ADAMTS19: variants seen among roughly 807,000 people sequenced by gnomAD.
The protein encoded by ADAMTS19 is ADAM metallopeptidase with thrombospondin type 1 motif 19.
A neutral mutation model predicts 153.3 loss-of-function variants in ADAMTS19; 93 were observed. That is an observed-to-expected ratio of 0.61 (90% CI 0.51 to 0.72). The LOEUF is 0.72. ADAMTS19 is among the 30% of genes least tolerant of loss of function. ADAMTS19 has a pLI of 0.00. For synonymous variants in ADAMTS19, 600 were observed against 556.6 expected (o/e 1.08, Z -1.10); for missense variants, 1,482 against 1,552.1 (o/e 0.95, Z 0.76).
At chr5:129,688,484 C>A (rs27872) in intron 18 of ADAMTS19, among the ~76,000 whole-genome samples, 80,844 of 151,844 alleles carry the variant, frequency 0.53, 23,844 homozygotes, top group Non-Finnish European at 0.66. Context: ...TATTTTACAT[C>A]AGCATCTCAA....
chr5:129,694,848 C>G lies in ADAMTS19; in HGVS notation c.2947C>G (p.Gln983Glu), dbSNP rs1440278764. 6.3e-7 allele frequency: 1 copy of G among 1,586,198 alleles called. No individual in the cohort carries two copies. Among genetic ancestry groups the G allele is most frequent in the East Asian group, 2.3e-5 (1 of 43,020 alleles). The change falls in exon 19 of 23, where the codon CAA becomes GAA. Residue 983 changes from glutamine to glutamate, a missense_variant. By Grantham distance (29) the Gln-to-Glu change is conservative. Transcript: ENST00000274487. ...TCGAAAGTGCAATGAGCAACCATGT[C>G]AAACAAGGTAACTCTATTCCAAGGG... is the stretch of plus-strand genomic sequence containing the variant. ...QIRKCNEQPC[Q>E]TRWMMTEWTP...
chr5:129,613,487 C>T (rs978044115), intron 8 of ADAMTS19, among the ~76,000 whole-genome samples: 5 of 151,886 alleles, frequency 3.3e-5, no homozygotes, highest in South Asian at 4.2e-4. Flanking sequence ...TTGAAACCAA[C>T]GAGAACAAAG....
At chr5:129,519,934 C>T (rs1301202417) in intron 3 of ADAMTS19, among the ~76,000 whole-genome samples, 1 of 152,072 alleles carries the variant, frequency 6.6e-6, no homozygotes, top group Non-Finnish European at 1.5e-5. Flanking sequence ...CGCACAACAA[C>T]CTGAATATGG....
At chr5:129,690,235 T>C (rs954079345) in intron 18 of ADAMTS19, among the ~76,000 whole-genome samples, 6 of 152,232 alleles carry the variant, frequency 3.9e-5, no homozygotes, top group African/African-American at 1.4e-4. Context: ...AAGGAAGATA[T>C]AGAAAGCCTT....
At chr5:129,691,761 GA>G (rs1755348957) in intron 18 of ADAMTS19, among the ~76,000 whole-genome samples, 1 of 152,032 alleles carries the variant, frequency 6.6e-6, no homozygotes, top group African/African-American at 2.4e-5. Flanking sequence ...TACTTTCTTA[GA>G]AAACTACTAA....
intron 18 of ADAMTS19, among the ~76,000 whole-genome samples, chr5:129,692,374 T>C (rs1413573033): frequency 6.6e-6 from 1 of 152,204 alleles, no homozygotes; most frequent in African/African-American, 2.4e-5. Context: ...TTTCTGCTTC[T>C]CTAGCAGTTT....
At chr5:129,728,918 TAGAC>T (rs1757321333) in intron 21 of ADAMTS19, among the ~76,000 whole-genome samples, 1 of 152,142 alleles carries the variant, frequency 6.6e-6, no homozygotes, top group Non-Finnish European at 1.5e-5. Flanking sequence ...AAGACTATGT[TAGAC>T]AGGACTTCTA....
At chr5:129,465,800 G>A (rs1749836236) in intron 2 of ADAMTS19, among the ~76,000 whole-genome samples, 1 of 152,072 alleles carries the variant, frequency 6.6e-6, no homozygotes, top group Non-Finnish European at 1.5e-5. Context: ...CTTCATTCAA[G>A]CAAAATCTTA....
In ADAMTS19 at chr5:129,665,486, T is replaced by G; in HGVS notation, c.2426-13T>G. 6.4e-7 allele frequency: 1 copy of G among 1,574,286 alleles called. No homozygotes were observed. The highest frequency in any genetic ancestry group is 8.7e-7 in the Non-Finnish European group (1 of 1,155,106). ...AACTCAAGATTTATTTCATGTTTTATTGACTCTTACAGGTTATGTAGAAGT... is the reference window on the plus strand; with the variant it reads ...AACTCAAGATTTATTTCATGTTTTAGTGACTCTTACAGGTTATGTAGAAGT... On this transcript the variant is annotated splice_polypyrimidine_tract_variant and intron_variant, in intron 15 of 22. Coordinates refer to ENST00000274487, the MANE Select transcript of ADAMTS19 (RefSeq NM_133638.6).
intron 18 of ADAMTS19, among the ~76,000 whole-genome samples, chr5:129,688,789 C>A (rs527535338): frequency 2.0e-5 from 3 of 152,220 alleles, no homozygotes; most frequent in African/African-American, 7.2e-5. Context: ...AAAACTAGTT[C>A]TTTTATTTTC....
At chr5:129,602,889 A>G (rs1370460699) in intron 8 of ADAMTS19, among the ~76,000 whole-genome samples, 1 of 151,072 alleles carries the variant, frequency 6.6e-6, no homozygotes, top group Admixed American at 6.6e-5. Context: ...AGCCATCTAG[A>G]ATTTACTTTA....
intron 19 of ADAMTS19, among the ~76,000 whole-genome samples, chr5:129,696,862 T>G (rs1755581284): frequency 6.6e-6 from 1 of 152,112 alleles, no homozygotes; most frequent in African/African-American, 2.4e-5. Flanking sequence ...AGGTTCATAT[T>G]ATGTAGATGA....
At chr5:129,528,820 C>A in intron 6 of ADAMTS19, 143 bp downstream of exon 6, 1 of 596,730 alleles carries the variant, frequency 1.7e-6, no homozygotes, top group Non-Finnish European at 2.7e-6. Context: ...AGTCATCTCC[C>A]TCAAATCATA....
intron 6 of ADAMTS19, among the ~76,000 whole-genome samples, chr5:129,532,964 G>A (rs1179595898): frequency 2.6e-5 from 4 of 152,150 alleles, no homozygotes; most frequent in Non-Finnish European, 4.4e-5. Context: ...TTAGGCAGGC[G>A]TGGTGGCTTA....
intron 2 of ADAMTS19, among the ~76,000 whole-genome samples, chr5:129,504,959 A>G (rs545479734): frequency 1.3e-5 from 2 of 151,910 alleles, no homozygotes; most frequent in African/African-American, 4.8e-5. Flanking sequence ...CCACATATCG[A>G]CTGTTGTTAA....
intron 18 of ADAMTS19, among the ~76,000 whole-genome samples, chr5:129,684,974 G>A (rs80252373): frequency 0.022 from 3,144 of 141,204 alleles, 81 homozygotes; most frequent in African/African-American, 0.071. Context: ...GTGGCAAAGC[G>A]AAACTCCATT....
At chr5:129,554,426 TATG>T (rs1231150679) in intron 7 of ADAMTS19, among the ~76,000 whole-genome samples, 2 of 152,114 alleles carry the variant, frequency 1.3e-5, no homozygotes, top group Non-Finnish European at 2.9e-5. Context: ...AGTTGAGACA[TATG>T]ATCTATTCCC....
intron 6 of ADAMTS19, among the ~76,000 whole-genome samples, chr5:129,535,324 G>T (rs1301313527): frequency 6.6e-6 from 1 of 152,090 alleles, no homozygotes; most frequent in Non-Finnish European, 1.5e-5. Context: ...GCTTGAAAGA[G>T]AATAAAATAC....
chr5:129,524,610 GAAA>G (rs58978509), intron 3 of ADAMTS19, among the ~76,000 whole-genome samples: 6 of 142,922 alleles, frequency 4.2e-5, no homozygotes, highest in African/African-American at 1.0e-4. Context: ...AAATTTACAA[GAAA>G]AAAAAAAAAC....
Sources: allele counts gnomAD v4.1 joint callset (sites outside exome capture counted in the v4.1 genomes callset), GRCh38; gene constraint gnomAD v4.1.1; transcripts MANE v1.5; gene names NCBI Gene and HGNC (gene_info 2026-07-23, HGNC 2026-07-21).